Variants in SLC2A9 observed in about 807,000 individuals in gnomAD.
The protein encoded by SLC2A9 is solute carrier family 2, facilitated glucose transporter member 9.
SLC2A9 carries 39 observed loss-of-function variants against 50.6 expected under a neutral mutation model. The ratio of observed to expected loss-of-function variants is 0.77; its 90% confidence interval spans 0.60 to 1.01. SLC2A9 has a LOEUF of 1.01. Ranked by LOEUF, SLC2A9 falls within the 50% of genes least tolerant of loss-of-function variation. SLC2A9 has a pLI of 0.00. For missense variants in SLC2A9, 686 were observed against 677.6 expected, an observed-to-expected ratio of 1.01 and a Z score of -0.14; for synonymous variants, 324 against 276.9, an observed-to-expected ratio of 1.17 and a Z score of -1.69.
intron 3 of SLC2A9, among the ~76,000 whole-genome samples, chr4:9,809,574 C>T (rs985592727): frequency 3.7e-4 from 57 of 152,162 alleles, no homozygotes; most frequent in South Asian, 2.1e-4. Context: ...ACATTCCAGA[C>T]GACCCTTCAG....
chr4:9,785,682 G>A (rs1320559182), intron 3 of SLC2A9, among the ~76,000 whole-genome samples: 1 of 152,184 alleles, frequency 6.6e-6, no homozygotes, highest in Non-Finnish European at 1.5e-5. Flanking sequence ...ATTATAGTTA[G>A]GTACTATGCT....
intron 7 of SLC2A9, among the ~76,000 whole-genome samples, chr4:9,919,962 T>C (rs946511027): frequency 6.6e-6 from 1 of 152,114 alleles, no homozygotes; most frequent in African/African-American, 2.4e-5. Context: ...ATTTCTTACT[T>C]AAAGCCTTGA....
chr4:9,782,377 G>A (rs755593107), intron 3 of SLC2A9: 16 of 1,613,924 alleles, frequency 9.9e-6, no homozygotes, highest in Non-Finnish European at 1.3e-5. Flanking sequence ...GCGACGTCTG[G>A]GTGGCCTTCG....
At chr4:9,783,985 G>A (rs1321603889) in intron 3 of SLC2A9, 1 of 168,636 alleles carries the variant, frequency 5.9e-6, no homozygotes, top group East Asian at 1.9e-4. Context: ...TTATTCTGGT[G>A]TCTAATAAAC....
intron 1 of SLC2A9, among the ~76,000 whole-genome samples, chr4:10,031,530 G>A (rs772656578): frequency 2.0e-5 from 3 of 152,228 alleles, no homozygotes; most frequent in Non-Finnish European, 2.9e-5. Context: ...AGACAGCTCT[G>A]TAGTCAGAAG....
chr4:10,032,360 G>T (rs1466940708), intron 1 of SLC2A9, among the ~76,000 whole-genome samples: 1 of 152,148 alleles, frequency 6.6e-6, no homozygotes, highest in Non-Finnish European at 1.5e-5. Flanking sequence ...TGTGTGTGAG[G>T]GTTTCAGGGA....
At chr4:10,003,682 A>T (rs1296370365) in intron 2 of SLC2A9, among the ~76,000 whole-genome samples, 1 of 152,180 alleles carries the variant, frequency 6.6e-6, no homozygotes. Context: ...TTGCTCAGAG[A>T]ATTCACTGCA....
chr4:10,026,104 T>C, upstream of SLC2A9: 1 of 800,628 alleles, frequency 1.2e-6, no homozygotes, highest in Non-Finnish European at 2.1e-6. Context: ...AGGTTTGCTG[T>C]GAGGAGCTCT....
intron 10 of SLC2A9, among the ~76,000 whole-genome samples, chr4:9,851,600 G>A (rs1213077961): frequency 2.0e-5 from 3 of 152,140 alleles, no homozygotes; most frequent in African/African-American, 7.2e-5. Flanking sequence ...GACAGACATA[G>A]AATTCAGAAT....
At chr4:9,835,979 C>T (rs1172731967) in intron 10 of SLC2A9, among the ~76,000 whole-genome samples, 8 of 147,644 alleles carry the variant, frequency 5.4e-5, no homozygotes, top group African/African-American at 1.8e-4. Context: ...CCCGGCTACT[C>T]GAGAGGCTGA....
chr4:9,872,672 C>G (rs1380676219), intron 10 of SLC2A9, among the ~76,000 whole-genome samples: 1 of 152,208 alleles, frequency 6.6e-6, no homozygotes, highest in Non-Finnish European at 1.5e-5. Context: ...TGAGGCTTCT[C>G]TCTGTTTACT....
At chr4:9,857,337 G>C (rs1277886042) in intron 10 of SLC2A9, among the ~76,000 whole-genome samples, 6 of 152,158 alleles carry the variant, frequency 3.9e-5, no homozygotes, top group Admixed American at 6.5e-5. Context: ...GGGGGCGCAG[G>C]GTTGGATACT....
chr4:9,831,941 T>C (rs1007865750), intron 11 of SLC2A9, among the ~76,000 whole-genome samples: 3 of 152,224 alleles, frequency 2.0e-5, no homozygotes, highest in Non-Finnish European at 2.9e-5. Context: ...ATTGGTGTAG[T>C]TGTGAACTTG....
intron 11 of SLC2A9, 89 bp from the exon 12 acceptor site, chr4:9,826,689 C>T: frequency 8.3e-7 from 1 of 1,205,994 alleles, no homozygotes; most frequent in Non-Finnish European, 1.2e-6. Flanking sequence ...AAGATAGCTC[C>T]ACATTCATAT....
intron 10 of SLC2A9, among the ~76,000 whole-genome samples, chr4:9,878,639 G>A (rs887228514): frequency 1.3e-5 from 2 of 151,952 alleles, no homozygotes; most frequent in East Asian, 3.9e-4. Context: ...AGCTGTAATT[G>A]TAAGTAGGGC....
At chr4:9,793,280 A>T (rs1720190917) in intron 3 of SLC2A9, among the ~76,000 whole-genome samples, 1 of 152,200 alleles carries the variant, frequency 6.6e-6, no homozygotes, top group African/African-American at 2.4e-5. Context: ...AGATGCGGAA[A>T]TTGAGGCCCT....
chr4:9,782,204 G>T, intron 3 of SLC2A9: 4 of 1,611,020 alleles, frequency 2.5e-6, no homozygotes, highest in Non-Finnish European at 3.4e-6. Flanking sequence ...GCTGGGCAAC[G>T]TGCTGGTGTG....
downstream of SLC2A9, among the ~76,000 whole-genome samples, chr4:9,822,430 A>T (rs1004910498): frequency 2.6e-4 from 39 of 152,110 alleles, no homozygotes; most frequent in African/African-American, 8.9e-4. Flanking sequence ...CCCATTTATA[A>T]CTACATAATC....
intron 5 of SLC2A9, among the ~76,000 whole-genome samples, chr4:9,952,291 G>C (rs1750442643): frequency 6.6e-6 from 1 of 152,136 alleles, no homozygotes. Flanking sequence ...TTGGGTTATG[G>C]GGTTGGATCC....
Sources: allele counts gnomAD v4.1 joint callset (sites outside exome capture counted in the v4.1 genomes callset), GRCh38; gene constraint gnomAD v4.1.1; transcripts MANE v1.5; gene names NCBI Gene and HGNC (gene_info 2026-07-23, HGNC 2026-07-21).